The following DMD variants were observed in gnomAD, a reference collection of about 807,000 sequenced individuals.
DMD encodes mutant dystrophin.
A neutral mutation model predicts 330.1 loss-of-function variants in DMD; 63 were observed. That is an observed-to-expected ratio of 0.19 (90% CI 0.16 to 0.24). DMD has a LOEUF of 0.24. Ranked by LOEUF, DMD falls within the 10% of genes least tolerant of loss-of-function variation. The probability of loss-of-function intolerance (pLI) is 1.00; values close to 1 mark genes in which losing one functional copy is unlikely to be tolerated. For synonymous variants in DMD, 1,223 were observed against 959.8 expected (o/e 1.27, Z -5.07); for missense variants, 3,344 against 2,684.1 (o/e 1.25, Z -5.43).
chrX:33,274,399 G>A (rs1208322214), intron 1 of DMD, among the ~76,000 whole-genome samples: 1 of 111,642 alleles, frequency 9.0e-6, no homozygotes, highest in Admixed American at 9.5e-5. Flanking sequence ...TGGCATGAAA[G>A]GTCAGAGTCT....
intron 55 of DMD, among the ~76,000 whole-genome samples, chrX:31,569,626 ATATACGTATATATATG>A (rs1475435882): frequency 2.7e-3 from 265 of 99,588 alleles, no homozygotes; most frequent in African/African-American, 8.8e-3. Context: ...ATATATACGT[ATATACGTATATATATG>A]TATATACGTA....
intron 12 of DMD, among the ~76,000 whole-genome samples, chrX:32,612,756 A>G (rs2057275417): frequency 9.0e-6 from 1 of 111,250 alleles, no homozygotes; most frequent in African/African-American, 3.3e-5. Context: ...ATTTCTACAT[A>G]ATTGCAATAC....
chrX:32,724,910 G>C (rs1027412781), intron 7 of DMD, among the ~76,000 whole-genome samples: 2 of 111,621 alleles, frequency 1.8e-5, no homozygotes, highest in Non-Finnish European at 3.8e-5. Context: ...AAAAAAGAGA[G>C]CTACCAAAAC....
intron 50 of DMD, among the ~76,000 whole-genome samples, chrX:31,792,123 T>A (rs2091599055): frequency 8.9e-6 from 1 of 111,996 alleles, no homozygotes; most frequent in African/African-American, 3.2e-5. Context: ...AAATTAGTAC[T>A]GGAGGCCTTC....
intron 50 of DMD, among the ~76,000 whole-genome samples, chrX:31,801,381 C>T (rs927396863): frequency 5.4e-5 from 6 of 111,483 alleles, no homozygotes; most frequent in Non-Finnish European, 1.1e-4. Context: ...GTCCCTCCCA[C>T]AACACATGGG....
At chrX:31,420,069 T>C (rs1469530954) in intron 60 of DMD, among the ~76,000 whole-genome samples, 1 of 112,286 alleles carries the variant, frequency 8.9e-6, no homozygotes, top group Non-Finnish European at 1.9e-5. Flanking sequence ...GACTGCCTGT[T>C]GGCAAAAAAA....
intron 22 of DMD, among the ~76,000 whole-genome samples, chrX:32,470,228 TACTC>T (rs1010226760): frequency 1.6e-4 from 18 of 111,232 alleles, no homozygotes; most frequent in African/African-American, 3.6e-4. Flanking sequence ...CTTTCTTCCT[TACTC>T]ACAGAAAAAA....
chrX:32,704,907 G>A (rs772711823), intron 7 of DMD, among the ~76,000 whole-genome samples: 1 of 111,991 alleles, frequency 8.9e-6, no homozygotes, highest in Non-Finnish European at 1.9e-5. Flanking sequence ...ACAAAGTGCT[G>A]GAAGTAAAGT....
intron 60 of DMD, among the ~76,000 whole-genome samples, chrX:31,399,838 TAG>T (rs1387047959): frequency 9.0e-6 from 1 of 111,309 alleles, no homozygotes; most frequent in East Asian, 2.8e-4. Flanking sequence ...GCAGAGTAGT[TAG>T]AGAGGAATAG....
At chrX:32,694,556 T>C (rs115469017) in intron 9 of DMD, among the ~76,000 whole-genome samples, 1 of 112,156 alleles carries the variant, frequency 8.9e-6, no homozygotes, top group Non-Finnish European at 1.9e-5. Flanking sequence ...TGATGAAATA[T>C]TGGCCTCCAA....
chrX:31,329,783 C>T (rs1438938503), intron 61 of DMD, among the ~76,000 whole-genome samples: 1 of 108,316 alleles, frequency 9.2e-6, no homozygotes, highest in Non-Finnish European at 1.9e-5. Context: ...CCATCCTGGC[C>T]GATGTGGTGA....
Position 32,616,848 on chromosome X carries a change from C to T in DMD, c.1332-2395G>A, listed in dbSNP as rs746323935. Among the ~76,000 whole-genome samples, 120 of 107,279 alleles carry T rather than the reference C, an allele frequency of 1.1e-3. 1 individual carries two copies. The highest frequency in any genetic ancestry group is 2.6e-3 in the Admixed American group (26 of 9,864). 93.2% of individuals were successfully genotyped at this position (107,279 alleles called of 115,157 possible). Reference sequence around the variant, plus strand: ...GTGAGTGTGTACTCACCCATAAATACTTCTATATATAATTATCTCATCTGT... The same window carrying T: ...GTGAGTGTGTACTCACCCATAAATATTTCTATATATAATTATCTCATCTGT... On this transcript the variant is annotated intron_variant, in intron 11 of 78. Transcript: ENST00000357033.
intron 60 of DMD, among the ~76,000 whole-genome samples, chrX:31,354,848 C>T (rs2058590721): frequency 8.9e-6 from 1 of 111,955 alleles, no homozygotes; most frequent in Non-Finnish European, 1.9e-5. Context: ...GAATGAAAGG[C>T]TTTTTGAGTT....
chrX:32,518,670 G>A (rs999808810), intron 17 of DMD, among the ~76,000 whole-genome samples: 3 of 110,762 alleles, frequency 2.7e-5, no homozygotes, highest in African/African-American at 9.9e-5. Flanking sequence ...ATTCTGAGAA[G>A]ACAACAATTA....
chrX:32,845,009 G>A (rs1359853723), intron 3 of DMD, 149 bp from the exon 4 acceptor site: 5 of 530,951 alleles, frequency 9.4e-6, no homozygotes, highest in Non-Finnish European at 1.6e-5. Context: ...TAAATACTTT[G>A]CGCTAATTGT....
chrX:32,818,805 C>G (rs939468532), intron 5 of DMD, among the ~76,000 whole-genome samples: 2 of 109,843 alleles, frequency 1.8e-5, no homozygotes, highest in Non-Finnish European at 3.8e-5. Flanking sequence ...GTCACACCCT[C>G]TCTAGGGCAA....
chrX:32,115,593 G>A (rs2096607403), intron 44 of DMD, among the ~76,000 whole-genome samples: 2 of 111,194 alleles, frequency 1.8e-5, no homozygotes, highest in Non-Finnish European at 3.8e-5. Flanking sequence ...GCTTCAGACT[G>A]ATCTACCCAA....
intron 6 of DMD, among the ~76,000 whole-genome samples, chrX:32,814,491 T>G (rs1044717748): frequency 3.6e-5 from 4 of 111,238 alleles, no homozygotes; most frequent in Non-Finnish European, 7.6e-5. Context: ...GAACAGAGAG[T>G]TCAACCATTT....
chrX:33,012,509 C>T lies in DMD; in HGVS notation c.93+7630G>A, dbSNP rs182046276. On this transcript the variant is annotated intron_variant, in intron 2 of 78. Transcript: ENST00000357033. ...ACTCTACTGCAAACTAAGTTTACTT[C>T]ACTCACCAAAACGCAGTATGTAAAA... Among the ~76,000 whole-genome samples, 293 of 111,943 alleles carry T rather than the reference C, an allele frequency of 2.6e-3. 3 individuals carry two copies. Among genetic ancestry groups the T allele is most frequent in the Admixed American group, 3.6e-3 (38 of 10,498 alleles).
Sources: gnomAD v4.1 joint callset for allele counts (sites outside exome capture counted in the v4.1 genomes callset) on GRCh38, gnomAD v4.1.1 for gene constraint, MANE v1.5 for transcripts, NCBI Gene and HGNC (gene_info 2026-07-23, HGNC 2026-07-21) for gene names.